Variants in PLS3 observed in about 807,000 individuals in gnomAD.
PLS3 encodes plastin-3.
A neutral mutation model predicts 46.5 loss-of-function variants in PLS3; 11 were observed. The observed-to-expected ratio is 0.24, with a 90% CI of 0.15 to 0.39. The LOEUF (loss-of-function observed/expected upper bound fraction) is 0.39, where lower values mean the gene tolerates loss of function less well. Ranked by LOEUF, PLS3 falls within the 10% of genes least tolerant of loss-of-function variation. The pLI is 1.00. For synonymous variants in PLS3, 167 were observed against 162.2 expected (o/e 1.03, Z -0.22); for missense variants, 308 against 461.8 (o/e 0.67, Z 3.05).
intron 1 of PLS3, among the ~76,000 whole-genome samples, chrX:115,600,209 A>G (rs1556634385): frequency 9.1e-6 from 1 of 110,168 alleles, no homozygotes; most frequent in African/African-American, 3.3e-5. Flanking sequence ...GCAGCCTCAA[A>G]CTCCTGGGCT....
At chrX:115,644,562 A>G (rs1169018119) in intron 10 of PLS3, among the ~76,000 whole-genome samples, 2 of 110,027 alleles carry the variant, frequency 1.8e-5, no homozygotes, top group African/African-American at 3.3e-5. Flanking sequence ...GTGCCATTGC[A>G]CTCCAGCTTA....
At chrX:115,564,051 C>A (rs1421528693) in intron 1 of PLS3, among the ~76,000 whole-genome samples, 1 of 111,245 alleles carries the variant, frequency 9.0e-6, no homozygotes, top group East Asian at 2.8e-4. Flanking sequence ...TCTTGGGATG[C>A]CTACTCATTG....
chrX:115,601,527 A>G (rs2074443770), intron 1 of PLS3, among the ~76,000 whole-genome samples: 1 of 109,351 alleles, frequency 9.1e-6, no homozygotes, highest in African/African-American at 3.3e-5. Flanking sequence ...AGATATACCT[A>G]ATGTAGATGA....
intron 9 of PLS3, among the ~76,000 whole-genome samples, chrX:115,641,774 T>C (rs1286086162): frequency 1.8e-5 from 2 of 110,599 alleles, no homozygotes; most frequent in African/African-American, 6.6e-5. Context: ...TCCTTTCCAA[T>C]TGATCTTAAA....
intron 1 of PLS3, among the ~76,000 whole-genome samples, chrX:115,599,694 C>A (rs1319246099): frequency 9.5e-6 from 1 of 104,887 alleles, no homozygotes; most frequent in Non-Finnish European, 1.9e-5. Context: ...GTGCAGTGGT[C>A]CAATCTCGGC....
chrX:115,577,854 A>G (rs954265480), intron 1 of PLS3, among the ~76,000 whole-genome samples: 5 of 110,152 alleles, frequency 4.5e-5, no homozygotes, highest in African/African-American at 1.3e-4. Flanking sequence ...CCTTGCCTAG[A>G]AAAAAAAATG....
intron 2 of PLS3, among the ~76,000 whole-genome samples, chrX:115,612,556 G>A (rs1556636255): frequency 9.0e-6 from 1 of 110,950 alleles, no homozygotes; most frequent in African/African-American, 3.3e-5. Flanking sequence ...GCAGAGAATA[G>A]GAAAGACTAC....
rs2074964817 is a variant in PLS3, at chrX:115,647,477, A to G, written c.1512-73A>G. ...TTAAGAAATATAAAAAGTGGAAGAT[A>G]AAGCATCTTTCTGATGTTTGCATTT... On this transcript the variant is annotated intron_variant, in intron 13 of 15. Coordinates refer to ENST00000355899, the MANE Select transcript of PLS3 (RefSeq NM_005032.7). The G allele has an allele frequency of 6.2e-6, 6 of 962,942 alleles. No homozygotes were observed. In the Admixed American group the frequency reaches 1.4e-4, roughly 22 times the overall value. 79.4% of individuals were successfully genotyped at this position (962,942 alleles called of 1,213,427 possible).
intron 1 of PLS3, among the ~76,000 whole-genome samples, chrX:115,575,759 T>C (rs1056387747): frequency 2.7e-5 from 3 of 112,049 alleles, no homozygotes; most frequent in African/African-American, 9.7e-5. Context: ...TAAGTTTAGC[T>C]ATTTTTTTTC....
At chrX:115,637,537 G>A (rs782708001) in intron 8 of PLS3, among the ~76,000 whole-genome samples, 2 of 111,711 alleles carry the variant, frequency 1.8e-5, no homozygotes, top group Non-Finnish European at 3.8e-5. Context: ...CATATTTCTT[G>A]CATTGAATTG....
chrX:115,605,889 A>T (rs1353217252), intron 1 of PLS3, among the ~76,000 whole-genome samples: 1 of 111,596 alleles, frequency 9.0e-6, no homozygotes, highest in Admixed American at 9.6e-5. Context: ...GCAGTCACTA[A>T]TTCACTTTAT....
At chrX:115,589,312 C>T (rs980775152) in intron 1 of PLS3, among the ~76,000 whole-genome samples, 5 of 111,002 alleles carry the variant, frequency 4.5e-5, no homozygotes, top group Admixed American at 9.6e-5. Context: ...TATTTTTCCC[C>T]AAATATGAAA....
chrX:115,570,959 G>C (rs189054470), intron 1 of PLS3, among the ~76,000 whole-genome samples: 94 of 98,148 alleles, frequency 9.6e-4, no homozygotes, highest in African/African-American at 3.4e-3. Context: ...GCAGTGGCGC[G>C]ATCTCAGCTC....
In PLS3 at chrX:115,598,880, A is replaced by C. The variant is rs782092999; in HGVS notation, c.-8-11363A>C. ...TATGATCAGTGCCAATTTAACACCAATGTTTTAAATAAATGACTTTTAGAA... is the reference window on the plus strand; with the variant it reads ...TATGATCAGTGCCAATTTAACACCACTGTTTTAAATAAATGACTTTTAGAA... On this transcript the variant is annotated intron_variant, in intron 1 of 15. Coordinates refer to ENST00000355899, the MANE Select transcript of PLS3 (RefSeq NM_005032.7). Among the ~76,000 whole-genome samples, 7 of 111,845 alleles carry C rather than the reference A, an allele frequency of 6.3e-5. No individual in the cohort carries two copies. In the South Asian group the frequency reaches 2.6e-3, roughly 42 times the overall value.
intron 1 of PLS3, among the ~76,000 whole-genome samples, chrX:115,600,166 TA>T (rs1323056425): frequency 3.6e-5 from 4 of 111,285 alleles, no homozygotes; most frequent in African/African-American, 1.3e-4. Context: ...TTTTTATGTT[TA>T]TTTTTTTAGA....
chrX:115,615,703 C>A (rs2074592699), intron 2 of PLS3, among the ~76,000 whole-genome samples: 1 of 110,578 alleles, frequency 9.0e-6, no homozygotes, highest in Admixed American at 9.7e-5. Flanking sequence ...CAAATTTAGC[C>A]CTTTACTTTC....
intron 1 of PLS3, among the ~76,000 whole-genome samples, chrX:115,600,269 A>G (rs782229143): frequency 9.1e-6 from 1 of 110,014 alleles, no homozygotes; most frequent in East Asian, 2.9e-4. Context: ...CTACAGGCTC[A>G]GGCCACCATG....
At chrX:115,577,869 T>G (rs1556631389) in intron 1 of PLS3, among the ~76,000 whole-genome samples, 3 of 111,540 alleles carry the variant, frequency 2.7e-5, no homozygotes, top group African/African-American at 9.8e-5. Context: ...AAAATGTCCA[T>G]TTCATTCATC....
chrX:115,639,533 C>T (rs956207732), intron 8 of PLS3, among the ~76,000 whole-genome samples: 1 of 111,828 alleles, frequency 8.9e-6, no homozygotes, highest in African/African-American at 3.2e-5. Context: ...CCTTCATAGC[C>T]TGTCTGGACC....
Sources: gnomAD v4.1 joint callset for allele counts (sites outside exome capture counted in the v4.1 genomes callset) on GRCh38, gnomAD v4.1.1 for gene constraint, MANE v1.5 for transcripts, NCBI Gene and HGNC (gene_info 2026-07-23, HGNC 2026-07-21) for gene names.